SLC14A2: variants seen among roughly 807,000 people sequenced by gnomAD.
SLC14A2 encodes the protein urea transporter 2.
Under a neutral mutation model 104.6 loss-of-function variants are expected in SLC14A2, and 91 were observed. That is an observed-to-expected ratio of 0.87 (90% CI 0.73 to 1.04). The LOEUF is 1.04. Ranked by LOEUF, SLC14A2 falls within the 50% of genes least tolerant of loss-of-function variation. The pLI is 0.00. For synonymous variants in SLC14A2, 476 were observed against 466.4 expected (o/e 1.02, Z -0.27); for missense variants, 1,189 against 1,156.0 (o/e 1.03, Z -0.41).
At chr18:45,444,096 G>A (rs966366862) in intron 1 of SLC14A2, among the ~76,000 whole-genome samples, 1 of 152,178 alleles carries the variant, frequency 6.6e-6, no homozygotes, top group Non-Finnish European at 1.5e-5. Context: ...CATAAAGAAA[G>A]TTTGGATCCT....
chr18:45,248,116 G>A (rs1298289850), intron 1 of SLC14A2, among the ~76,000 whole-genome samples: 1 of 152,122 alleles, frequency 6.6e-6, no homozygotes, highest in Non-Finnish European at 1.5e-5. Flanking sequence ...ATTTAGATTT[G>A]TGCAGTAAAT....
intron 1 of SLC14A2, among the ~76,000 whole-genome samples, chr18:45,391,819 G>T (rs2085970893): frequency 6.6e-6 from 1 of 152,172 alleles, no homozygotes; most frequent in Non-Finnish European, 1.5e-5. Context: ...GTAGATTCTG[G>T]ATACTAGCCG....
intron 2 of SLC14A2, among the ~76,000 whole-genome samples, chr18:45,586,349 G>A (rs2044567145): frequency 6.6e-6 from 1 of 152,202 alleles, no homozygotes; most frequent in Admixed American, 6.5e-5. Context: ...GTGTAGTGAG[G>A]AGTGGGGGAG....
At chr18:45,470,630 T>C (rs1477087428) in intron 1 of SLC14A2, among the ~76,000 whole-genome samples, 2 of 152,178 alleles carry the variant, frequency 1.3e-5, no homozygotes, top group Non-Finnish European at 2.9e-5. Context: ...TTTCTGATAG[T>C]TTATACAATA....
chr18:45,504,766 G>T (rs1467067612), intron 2 of SLC14A2, among the ~76,000 whole-genome samples: 2 of 152,170 alleles, frequency 1.3e-5, no homozygotes, highest in African/African-American at 4.8e-5. Flanking sequence ...ATCTTCCCCT[G>T]CAGAAACACA....
chr18:45,292,965 A>G (rs2084884245), intron 1 of SLC14A2, among the ~76,000 whole-genome samples: 2 of 152,080 alleles, frequency 1.3e-5, no homozygotes, highest in African/African-American at 2.4e-5. Context: ...AAGTTAAATG[A>G]TAAGCTTTGT....
the SLC14A2 span, among the ~76,000 whole-genome samples, chr18:45,171,076 T>C: frequency 5.9e-5 from 9 of 152,144 alleles, 1 homozygote; most frequent in East Asian, 1.3e-3. Flanking sequence ...GAGAAAAGTC[T>C]GGTCAAAGAT....
At chr18:45,202,687 G>GGATC in the SLC14A2 span, among the ~76,000 whole-genome samples, 2 of 152,068 alleles carry the variant, frequency 1.3e-5, no homozygotes, top group Admixed American at 1.3e-4. Flanking sequence ...AAAGAGAAGG[G>GGATC]GATCAGATTC....
chr18:45,250,107 CAT>C (rs1427846892), intron 1 of SLC14A2, among the ~76,000 whole-genome samples: 6 of 152,154 alleles, frequency 3.9e-5, no homozygotes. Context: ...GAAACTCACA[CAT>C]GTGATATGAT....
At chr18:45,303,472 G>A (rs2084987668) in intron 1 of SLC14A2, among the ~76,000 whole-genome samples, 1 of 152,232 alleles carries the variant, frequency 6.6e-6, no homozygotes, top group Non-Finnish European at 1.5e-5. Context: ...ACACACTAAA[G>A]TGTCCAGGGA....
At chr18:45,613,002 T>C (rs1443119292), upstream of SLC14A2, among the ~76,000 whole-genome samples, 1 of 148,546 alleles carries the variant, frequency 6.7e-6, no homozygotes, top group Non-Finnish European at 1.5e-5. Context: ...ATTAAACCTC[T>C]TTCCTTTATA....
chr18:45,407,711 C>A (rs970328089), intron 1 of SLC14A2, among the ~76,000 whole-genome samples: 2 of 152,086 alleles, frequency 1.3e-5, no homozygotes, highest in Non-Finnish European at 2.9e-5. Flanking sequence ...CTTAATTGGC[C>A]TAATTTCAAT....
At chr18:45,533,836 A>G (rs547973746) in intron 2 of SLC14A2, among the ~76,000 whole-genome samples, 1 of 152,128 alleles carries the variant, frequency 6.6e-6, no homozygotes, top group Non-Finnish European at 1.5e-5. Flanking sequence ...GTGGGCATTT[A>G]GTGCTATAAA....
intron 1 of SLC14A2, among the ~76,000 whole-genome samples, chr18:45,279,063 CATGCTGGCCCA>C (rs2084734269): frequency 6.6e-6 from 1 of 152,196 alleles, no homozygotes; most frequent in African/African-American, 2.4e-5. Context: ...CCTGCCCAGG[CATGCTGGCCCA>C]GGGCCTGGTT....
At chr18:45,398,725 C>T (rs2086063502) in intron 1 of SLC14A2, among the ~76,000 whole-genome samples, 1 of 152,148 alleles carries the variant, frequency 6.6e-6, no homozygotes, top group Non-Finnish European at 1.5e-5. Context: ...CTATATGATT[C>T]ATTCTCTCAT....
the SLC14A2 span, among the ~76,000 whole-genome samples, chr18:45,192,368 GC>G: frequency 6.6e-6 from 1 of 152,160 alleles, no homozygotes; most frequent in Admixed American, 6.5e-5. Flanking sequence ...TACCAATAAA[GC>G]TGCTGTGAGC....
intron 12 of SLC14A2, 99 bp downstream of exon 12, chr18:45,666,318 A>G: frequency 1.3e-6 from 1 of 760,060 alleles, no homozygotes; most frequent in Non-Finnish European, 2.3e-6. Flanking sequence ...TCTCCGATTT[A>G]GGCAAACTTT....
intron 2 of SLC14A2, among the ~76,000 whole-genome samples, chr18:45,560,662 G>A (rs549133796): frequency 6.6e-6 from 1 of 152,316 alleles, no homozygotes; most frequent in South Asian, 2.1e-4. Context: ...AAGCCATAAA[G>A]TTTAAAGCAA....
intron 10 of SLC14A2, among the ~76,000 whole-genome samples, chr18:45,663,216 C>T (rs934136908): frequency 5.9e-5 from 9 of 152,226 alleles, no homozygotes; most frequent in Non-Finnish European, 1.3e-4. Context: ...AGCTCCCAGG[C>T]AGATGATGCT....
Sources: allele counts gnomAD v4.1 joint callset (sites outside exome capture counted in the v4.1 genomes callset), GRCh38; gene constraint gnomAD v4.1.1; transcripts MANE v1.5; gene names NCBI Gene and HGNC (gene_info 2026-07-23, HGNC 2026-07-21).